The following ZNF268 variants were observed in gnomAD, a reference collection of about 807,000 sequenced individuals.
ZNF268 encodes the protein zinc finger protein 268.
Under a neutral mutation model 29.3 loss-of-function variants are expected in ZNF268, and 20 were observed. The observed-to-expected ratio is 0.68, with a 90% confidence interval of 0.48 to 0.99. The LOEUF is 0.99. Among genes scored for constraint, ZNF268 ranks in the 50% least tolerant of loss-of-function variants. The pLI, the probability that ZNF268 is intolerant of heterozygous loss-of-function variation, is 0.00. For missense variants in ZNF268, 1,240 were observed against 1,121.6 expected (o/e 1.11, Z -1.51); for synonymous variants, 429 against 376.9 (o/e 1.14, Z -1.60).
At chr12:133,198,880 G>A (rs940234949) in intron 5 of ZNF268, among the ~76,000 whole-genome samples, 6 of 148,114 alleles carry the variant, frequency 4.1e-5, no homozygotes. Context: ...TTTGTACATT[G>A]ATTTTGTATC....
In ZNF268 at chr12:133,204,434, A is replaced by C. The variant is rs779726001; in HGVS notation, c.2748A>C (p.Gly916=). The C allele has an allele frequency of 5.8e-6, 9 of 1,564,552 alleles. No homozygotes were observed. Among genetic ancestry groups the C allele is most frequent in the Non-Finnish European group, 6.9e-6 (8 of 1,160,580 alleles). ...ILSAHQRTHT[G]EKPCKCTECG... is the part of the protein sequence containing the mutation. ...GTGCACATCAGAGAACACATACAGG[A>C]GAGAAGCCTTGTAAGTGCACTGAAT... Residue 916 remains glycine, a synonymous_variant, in exon 6 of 6, where the codon GGA becomes GGC. Transcript: ENST00000536435.
At position 133,202,459 on chromosome 12, in the gene ZNF268, T is replaced by C; in HGVS notation, c.773T>C (p.Val258Ala). ...GAAAGTATTGAATCTGGAAAAACCG[T>C]CAATAAGAAATCGCAACTTATGTGC... ...YCESIESGKT[V>A]NKKSQLMCQQ... Residue 258 changes from valine to alanine, a missense_variant, in exon 6 of 6, where the codon GTC (valine) becomes GCC (alanine). Around this residue, in one of 3 missense-constraint regions of ZNF268, gnomAD observed 1,177 missense variants for 1,039.6 expected, o/e 1.13. Coordinates refer to ENST00000536435, the MANE Select transcript of ZNF268 (RefSeq NM_003415.3). 6.2e-7 allele frequency: 1 copy of C among 1,611,738 alleles called. No individual in the cohort carries two copies. The highest frequency in any genetic ancestry group is 8.5e-7 in the Non-Finnish European group (1 of 1,178,768).
intron 3 of ZNF268, among the ~76,000 whole-genome samples, chr12:133,189,936 C>T (rs900109575): frequency 1.4e-4 from 21 of 152,070 alleles, no homozygotes; most frequent in African/African-American, 3.6e-4. Flanking sequence ...GCCTCCTGAG[C>T]AGCTAGGACT....
At chr12:133,183,156 C>T (rs1326953090) in intron 2 of ZNF268, among the ~76,000 whole-genome samples, 3 of 152,154 alleles carry the variant, frequency 2.0e-5, no homozygotes, top group Non-Finnish European at 1.5e-5. Context: ...AAGCCATCGC[C>T]GCACCCGACT....
Position 133,204,318 on chromosome 12 carries a change from C to G in ZNF268, c.2632C>G (p.Gln878Glu), listed in dbSNP as rs780110280. 77 of 1,561,442 alleles carry G rather than the reference C, an allele frequency of 4.9e-5. No individual in the cohort carries two copies. The Admixed American group carries it at 1.4e-3, about 28-fold the overall frequency. ...TGGAAAAGCCTTCATTAGGAATTCT[C>G]AACTCATTGTACATCAAAGAACTCA... ...ECGKAFIRNS[Q>E]LIVHQRTHSG... The change falls in exon 6 of 6, where the codon CAA becomes GAA. Residue 878 changes from glutamine (Q) to glutamate (E), a missense_variant. Physicochemically the swap from Gln to Glu is conservative, Grantham distance 29. Around this residue, in one of 3 missense-constraint regions of ZNF268, gnomAD observed 1,177 missense variants for 1,039.6 expected, o/e 1.13. Transcript: ENST00000536435.
chr12:133,203,191 G>A lies in ZNF268; in HGVS notation c.1505G>A (p.Cys502Tyr), dbSNP rs1333435489. The change falls in exon 6 of 6, where the codon TGC (cysteine) becomes TAC (tyrosine). Residue 502 changes from cysteine (C) to tyrosine (Y), a missense_variant. Physicochemically the swap from Cys to Tyr is radical, Grantham distance 194. Around this residue, in one of 3 missense-constraint regions of ZNF268, gnomAD observed 1,177 missense variants for 1,039.6 expected, o/e 1.13. Coordinates refer to ENST00000536435, the MANE Select transcript of ZNF268 (RefSeq NM_003415.3). ...RSHTGMKPYV[C>Y]NECGKAFRSK... ...CACACAGGAATGAAACCTTATGTAT[G>A]CAATGAATGTGGCAAAGCCTTCAGG... 1 of 1,537,836 alleles carries A rather than the reference G, an allele frequency of 6.5e-7. No homozygotes were observed. Among genetic ancestry groups the A allele is most frequent in the Non-Finnish European group, 8.7e-7 (1 of 1,146,828 alleles).
chr12:133,182,716 G>A (rs751243366), intron 2 of ZNF268, among the ~76,000 whole-genome samples: 1 of 152,286 alleles, frequency 6.6e-6, no homozygotes, highest in Middle Eastern at 3.4e-3. Flanking sequence ...AAGAAGTAAC[G>A]TGCAAATTTG....
intron 3 of ZNF268, among the ~76,000 whole-genome samples, chr12:133,191,038 C>T (rs750907335): frequency 1.4e-4 from 22 of 152,108 alleles, no homozygotes; most frequent in Admixed American, 7.9e-4. Flanking sequence ...GTAAAGAGGC[C>T]GGGCGCGGTG....
intron 5 of ZNF268, among the ~76,000 whole-genome samples, chr12:133,194,983 G>C (rs934323473): frequency 3.0e-5 from 2 of 66,662 alleles, no homozygotes; most frequent in Admixed American, 1.3e-4. Context: ...ATGGTCTATA[G>C]ACCTATAATT....
chr12:133,184,653 C>A, intron 2 of ZNF268: 1 of 427,172 alleles, frequency 2.3e-6, no homozygotes, highest in Admixed American at 2.5e-5. Context: ...GAGTCTCGCT[C>A]TGTCTTCCAG....
Position 133,203,222 on chromosome 12 carries a change from G to A in ZNF268, c.1536G>A (p.Lys512=). The A allele has an allele frequency of 1.3e-6, 2 of 1,537,848 alleles. No homozygotes were observed. Among genetic ancestry groups the A allele is most frequent in the Non-Finnish European group, 1.7e-6 (2 of 1,146,842 alleles). The change falls in exon 6 of 6, where the codon AAG becomes AAA. Residue 512 remains lysine, a synonymous_variant. Coordinates refer to ENST00000536435, the MANE Select transcript of ZNF268 (RefSeq NM_003415.3). ...CNECGKAFRS[K]SYLIIHTRTH... ...AATGTGGCAAAGCCTTCAGGAGCAA[G>A]TCATACCTTATTATACATACAAGGA...
In ZNF268 at chr12:133,204,269, GAA is replaced by G; in HGVS notation, c.2585_2586del (p.Lys862ThrfsTer3). 1 of 1,549,358 alleles carries G rather than the reference GAA, an allele frequency of 6.5e-7. No individual in the cohort carries two copies. Among genetic ancestry groups the G allele is most frequent in the Non-Finnish European group, 8.7e-7 (1 of 1,151,040 alleles). ...TACACCAGAGAATGCACACAAGAGA[GAA>G]ACCATATGAATGCAGTGAGTGTGGA... is the stretch of plus-strand genomic sequence containing the variant. ...LVHQRMHTRE[K>X]PYECSECGKA... is the part of the protein sequence containing the mutation. On this transcript the variant is annotated frameshift_variant, in exon 6 of 6. Coordinates refer to ENST00000536435, the MANE Select transcript of ZNF268 (RefSeq NM_003415.3). LOFTEE classifies it high-confidence loss of function.
In ZNF268 at chr12:133,203,836, C is replaced by T; in HGVS notation, c.2150C>T (p.Thr717Ile). The T allele has an allele frequency of 6.4e-7, 1 of 1,563,950 alleles. No individual in the cohort carries two copies. The highest frequency in any genetic ancestry group is 8.6e-7 in the Non-Finnish European group (1 of 1,160,786). Reference sequence around the variant, plus strand: ...TCATACCTTATTATACATATGAGAACTCATACAGGAGAGAAACCACATGAG... The same window carrying T: ...TCATACCTTATTATACATATGAGAATTCATACAGGAGAGAAACCACATGAG... ...SKSYLIIHMR[T>I]HTGEKPHECR... Residue 717 changes from threonine to isoleucine, a missense_variant, in exon 6 of 6, where the codon ACT (threonine) becomes ATT (isoleucine). Thr to Ile is a moderately conservative substitution (Grantham distance 89, BLOSUM62 -1). Around this residue, in one of 3 missense-constraint regions of ZNF268, gnomAD observed 1,177 missense variants for 1,039.6 expected, o/e 1.13. Transcript: ENST00000536435.
chr12:133,192,983 C>T (rs1002216704), intron 5 of ZNF268, among the ~76,000 whole-genome samples: 1 of 152,166 alleles, frequency 6.6e-6, no homozygotes, highest in Non-Finnish European at 1.5e-5. Context: ...AACATTATCA[C>T]TCTATACCTT....
At chr12:133,182,133 C>T in intron 2 of ZNF268, 103 bp downstream of exon 2, 1 of 1,192,920 alleles carries the variant, frequency 8.4e-7, no homozygotes, top group African/African-American at 1.5e-5. Flanking sequence ...TTTCTCACCC[C>T]ACCGCTCTTT....
Position 133,199,519 on chromosome 12 carries a change from C to T in ZNF268, c.458-2625C>T, listed in dbSNP as rs369362716. Among the ~76,000 whole-genome samples the T allele has an allele frequency of 1.5e-4, 23 of 151,500 alleles. No individual in the cohort carries two copies. In the East Asian group the frequency reaches 1.7e-3, roughly 11 times the overall value. On this transcript the variant is annotated intron_variant, in intron 5 of 5. Coordinates refer to ENST00000536435, the MANE Select transcript of ZNF268 (RefSeq NM_003415.3). ...TCTCTTTTTTGGTTGTGTCTCTGCC[C>T]GGCTTTGGTATCAGGATGATGCTGG...
At position 133,206,035 on chromosome 12, in the gene ZNF268, T is replaced by A. The variant is rs1315980514; in HGVS notation, c.*1505T>A. ...TTTCTTAACTTTGTTCACTTGTCTT[T>A]TATTTTGAGCTATTGGGTGTGCTTT... On this transcript the variant is annotated 3_prime_UTR_variant, in exon 6 of 6. Coordinates refer to ENST00000536435, the MANE Select transcript of ZNF268 (RefSeq NM_003415.3). The A allele has an allele frequency of 4.6e-5, 7 of 152,218 alleles. No homozygotes were observed. Among genetic ancestry groups the A allele is most frequent in the Non-Finnish European group, 1.0e-4 (7 of 68,044 alleles). 9.4% of individuals were successfully genotyped at this position (152,218 alleles called of 1,614,324 possible).
In ZNF268 at chr12:133,208,210, G is replaced by A. The variant is rs1484164790; in HGVS notation, c.*3680G>A. On this transcript the variant is annotated 3_prime_UTR_variant, in exon 6 of 6. Transcript: ENST00000536435. ...AAAACTTTTTAAAAAGATTAGCCAG[G>A]TGTGGTCAGGCGCCGTGGCTCATGC... is the stretch of plus-strand genomic sequence containing the variant. 1.3e-5 allele frequency: 2 copies of A among 152,040 alleles called. No homozygotes were observed. Among genetic ancestry groups the A allele is most frequent in the African/African-American group, 4.8e-5 (2 of 41,398 alleles). 9.4% of individuals were successfully genotyped at this position (152,040 alleles called of 1,614,324 possible).
chr12:133,202,323 A>G lies in ZNF268; in HGVS notation c.637A>G (p.Ile213Val). 2 of 1,612,156 alleles carry G rather than the reference A, an allele frequency of 1.2e-6. No homozygotes were observed. Among genetic ancestry groups the G allele is most frequent in the Middle Eastern group, 1.7e-4 (1 of 6,058 alleles). Residue 213 changes from isoleucine (I) to valine (V), a missense_variant, in exon 6 of 6, where the codon ATA becomes GTA. Physicochemically the swap from Ile to Val is conservative, Grantham distance 29. Coordinates refer to ENST00000536435, the MANE Select transcript of ZNF268 (RefSeq NM_003415.3). The part of the protein sequence containing the change: ...CGTHGKSLKY[I>V]DFTSDYARNN... ...CACGCATGGAAAGAGTTTGAAATAT[A>G]TAGATTTCACTAGTGATTATGCTAG...
Sources: allele counts gnomAD v4.1 joint callset (sites outside exome capture counted in the v4.1 genomes callset), GRCh38; gene constraint gnomAD v4.1.1; regional missense constraint gnomAD v4.1.1; transcripts MANE v1.5; gene names NCBI Gene and HGNC (gene_info 2026-07-23, HGNC 2026-07-21).